CEP63: variants seen among roughly 807,000 people sequenced by gnomAD.
CEP63 encodes centrosomal protein of 63 kDa.
CEP63 carries 84 observed loss-of-function variants against 89.1 expected under a neutral mutation model. That is an observed-to-expected ratio of 0.94 (90% CI 0.79 to 1.13). The LOEUF (loss-of-function observed/expected upper bound fraction) is 1.13, where lower values mean the gene tolerates loss of function less well. Ranked by LOEUF, CEP63 falls within the 50% of genes most tolerant of loss-of-function variation. CEP63 has a pLI of 0.00. For missense variants in CEP63, 838 were observed against 813.3 expected (o/e 1.03, Z -0.37); for synonymous variants, 267 against 272.5 (o/e 0.98, Z 0.20).
At chr3:134,583,230 T>G (rs1248132273) in intron 10 of CEP63, among the ~76,000 whole-genome samples, 1 of 152,198 alleles carries the variant, frequency 6.6e-6, no homozygotes, top group Non-Finnish European at 1.5e-5. Flanking sequence ...TTGTTTTTGG[T>G]GTTTTAGACA....
chr3:134,498,524 C>T (rs939434465), intron 2 of CEP63, among the ~76,000 whole-genome samples: 1 of 152,124 alleles, frequency 6.6e-6, no homozygotes, highest in Non-Finnish European at 1.5e-5. Flanking sequence ...TGACTTCCTC[C>T]TTTCCAATTT....
At chr3:134,665,034 A>T in the CEP63 span, among the ~76,000 whole-genome samples, 5 of 152,156 alleles carry the variant, frequency 3.3e-5, no homozygotes, top group Non-Finnish European at 1.5e-5. Flanking sequence ...CTGTAGACTG[A>T]GGTGGGCAGA....
At chr3:134,532,670 C>T (rs1274650950) in intron 4 of CEP63, 108 bp from the exon 5 acceptor site, 1 of 781,760 alleles carries the variant, frequency 1.3e-6, no homozygotes, top group Non-Finnish European at 2.1e-6. Context: ...CTAACATGTT[C>T]TCAGTAGTAC....
chr3:134,651,426 C>A, the CEP63 span: 1 of 1,079,454 alleles, frequency 9.3e-7, no homozygotes, highest in Non-Finnish European at 1.1e-6. Context: ...ATACAGAAAT[C>A]GCACAGTGCT....
the CEP63 span, among the ~76,000 whole-genome samples, chr3:134,750,149 A>T: frequency 6.6e-6 from 1 of 152,204 alleles, no homozygotes; most frequent in Non-Finnish European, 1.5e-5. Context: ...CCCCTGACCA[A>T]CCTTCCCAAT....
chr3:134,559,027 T>C (rs1956823496), intron 13 of CEP63, 123 bp from the exon 14 acceptor site: 2 of 920,236 alleles, frequency 2.2e-6, no homozygotes, highest in Non-Finnish European at 3.4e-6. Flanking sequence ...TCTGAGTAGG[T>C]TGCTCATTTT....
rs1331005193 is a variant in CEP63, at chr3:134,550,129, A to G, written c.1249A>G (p.Ile417Val). 2 of 1,613,354 alleles carry G rather than the reference A, an allele frequency of 1.2e-6. No individual in the cohort carries two copies. The highest frequency in any genetic ancestry group is 1.7e-5 in the Admixed American group (1 of 60,022). ...SSALEGMKME[I>V]SHLTQELHQR... ...TGCACTAGAAGGAATGAAGATGGAA[A>G]TCTCCCATCTAACTCAGGAGTTACA... The change falls in exon 11 of 15, where the codon ATC (isoleucine) becomes GTC (valine). Residue 417 changes from isoleucine to valine, a missense_variant. Ile to Val is a conservative substitution (Grantham distance 29). Coordinates refer to ENST00000675561, the MANE Select transcript of CEP63 (RefSeq NM_001353108.3).
At chr3:134,586,978 C>T (rs891882071) in intron 10 of CEP63, among the ~76,000 whole-genome samples, 3 of 152,104 alleles carry the variant, frequency 2.0e-5, no homozygotes, top group African/African-American at 4.8e-5. Context: ...TCCACTTGAT[C>T]GAATTGGCTA....
intron 1 of CEP63, among the ~76,000 whole-genome samples, chr3:134,487,028 G>A (rs1424954164): frequency 2.0e-5 from 3 of 152,180 alleles, no homozygotes; most frequent in Non-Finnish European, 4.4e-5. Context: ...AGCACCGTAC[G>A]CTGATATGCA....
the CEP63 span, chr3:134,615,349 C>CTTTTTTT: frequency 2.1e-5 from 2 of 96,168 alleles, no homozygotes; most frequent in Admixed American, 1.2e-4. Flanking sequence ...GTTCAAGAAG[C>CTTTTTTT]TTTTTTTTTT....
the CEP63 span, among the ~76,000 whole-genome samples, chr3:134,711,139 T>A: frequency 6.6e-6 from 1 of 152,230 alleles, no homozygotes; most frequent in African/African-American, 2.4e-5. Flanking sequence ...AAATAAATAT[T>A]CAGTATTTAC....
At chr3:134,605,122 A>G in the CEP63 span, among the ~76,000 whole-genome samples, 1 of 150,448 alleles carries the variant, frequency 6.6e-6, no homozygotes, top group African/African-American at 2.5e-5. Flanking sequence ...CCACACTGCC[A>G]CCCCCCATCT....
rs57845495 is a variant in CEP63 at position 134,486,144 on chromosome 3, C to G, written c.-84C>G. The G allele has an allele frequency of 1.1e-3, 1,103 of 985,604 alleles. 11 individuals carry two copies. In the African/African-American group the frequency reaches 0.018, roughly 16 times the overall value. The allele number at this position is 985,604 out of a possible 1,614,324, so 61.1% of individuals were successfully genotyped here. On this transcript the variant is annotated 5_prime_UTR_variant, in exon 1 of 15. Coordinates refer to ENST00000675561, the MANE Select transcript of CEP63 (RefSeq NM_001353108.3). ...GGGGCAGTGGGCGGAACAAACGCGCCGACTACAGAGGCTGGACGTAAGCTT... is the reference window on the plus strand; with the variant it reads ...GGGGCAGTGGGCGGAACAAACGCGCGGACTACAGAGGCTGGACGTAAGCTT...
the CEP63 span, among the ~76,000 whole-genome samples, chr3:134,768,944 G>C: frequency 1.3e-5 from 2 of 152,072 alleles, no homozygotes; most frequent in African/African-American, 4.8e-5. Context: ...TTCTCTCTGG[G>C]ATCAGAGAGA....
the CEP63 span, among the ~76,000 whole-genome samples, chr3:134,689,290 A>G: frequency 6.6e-6 from 1 of 152,176 alleles, no homozygotes; most frequent in Non-Finnish European, 1.5e-5. Context: ...AAACTATGAG[A>G]CAGAAAAAAA....
At chr3:134,701,770 A>G in the CEP63 span, among the ~76,000 whole-genome samples, 4 of 152,290 alleles carry the variant, frequency 2.6e-5, no homozygotes, top group Admixed American at 2.6e-4. Context: ...TCAAATAGCA[A>G]GAGAGGAAAT....
the CEP63 span, among the ~76,000 whole-genome samples, chr3:134,760,102 A>AG: frequency 7.5e-6 from 1 of 133,104 alleles, no homozygotes; most frequent in Non-Finnish European, 1.5e-5. Flanking sequence ...TCTGTCGCCC[A>AG]GGCTGGAGTG....
intron 2 of CEP63, among the ~76,000 whole-genome samples, chr3:134,501,618 A>G (rs1400274675): frequency 1.3e-5 from 2 of 151,912 alleles, no homozygotes; most frequent in Non-Finnish European, 2.9e-5. Context: ...TTCTTGATTC[A>G]GTACTCAGCT....
At chr3:134,607,430 C>A in the CEP63 span, 2 of 985,626 alleles carry the variant, frequency 2.0e-6, no homozygotes, top group Non-Finnish European at 2.4e-6. Flanking sequence ...CCCACAGGCA[C>A]CCTGTGCTAA....
Sources: gnomAD v4.1 joint callset for allele counts (sites outside exome capture counted in the v4.1 genomes callset) on GRCh38, gnomAD v4.1.1 for gene constraint, MANE v1.5 for transcripts, NCBI Gene and HGNC (gene_info 2026-07-23, HGNC 2026-07-21) for gene names.